PNKD: variants seen among roughly 807,000 people sequenced by gnomAD.
PNKD encodes probable thioesterase PNKD.
A neutral mutation model predicts 45.3 loss-of-function variants in PNKD; 36 were observed. The ratio of observed to expected loss-of-function variants is 0.80; its 90% CI spans 0.61 to 1.05. The LOEUF (loss-of-function observed/expected upper bound fraction) is 1.05, where lower values mean the gene tolerates loss of function less well. PNKD is among the 50% of genes least tolerant of loss of function. PNKD has a pLI of 0.00. For synonymous variants in PNKD, 197 were observed against 210.1 expected, an observed-to-expected ratio of 0.94 and a Z score of 0.54; for missense variants, 511 against 506.6, an observed-to-expected ratio of 1.01 and a Z score of -0.08.
intron 2 of PNKD, chr2:218,276,927 G>T: frequency 1.6e-6 from 2 of 1,254,950 alleles, no homozygotes; most frequent in Non-Finnish European, 2.3e-6. Context: ...GACCTTTGGG[G>T]CCTGCGAGAC....
In PNKD at chr2:218,326,302, C is replaced by T. The variant is rs562258822; in HGVS notation, c.237-13481C>T. Among the ~76,000 whole-genome samples, 1 of 152,276 alleles carries T rather than the reference C, an allele frequency of 6.6e-6. No individual in the cohort carries two copies. Among genetic ancestry groups the T allele is most frequent in the South Asian group, 2.1e-4 (1 of 4,826 alleles). On this transcript the variant is annotated intron_variant, in intron 2 of 9. Transcript: ENST00000273077. This position sits in a 1 kb window ranked among gnomAD's most constrained non-coding sequence, Gnocchi z 4.1. ...TTTCCTTAACCATAACTACAATTGT[C>T]TTAGGATGAGGATAGCTGAGCACAG...
intron 2 of PNKD, among the ~76,000 whole-genome samples, chr2:218,299,514 G>C (rs1236319723): frequency 6.6e-6 from 1 of 152,148 alleles, no homozygotes; most frequent in African/African-American, 2.4e-5. Flanking sequence ...AAGCAGTCAT[G>C]GCTCTCTGCA....
At chr2:218,323,276 G>T in intron 2 of PNKD, 1 of 1,538,092 alleles carries the variant, frequency 6.5e-7, no homozygotes, top group Middle Eastern at 1.7e-4. Flanking sequence ...GCATGGCTTG[G>T]CAGGGCTGGC....
At chr2:218,278,345 C>G in intron 2 of PNKD, 1 of 691,068 alleles carries the variant, frequency 1.4e-6, no homozygotes, top group Non-Finnish European at 2.5e-6. Context: ...AGCTCCTAAA[C>G]ACACATGGTC....
chr2:218,326,207 G>A lies in PNKD; in HGVS notation c.237-13576G>A, dbSNP rs184530616. Among the ~76,000 whole-genome samples, 137 of 152,274 alleles carry A rather than the reference G, an allele frequency of 9.0e-4. No individual in the cohort carries two copies. The highest frequency in any genetic ancestry group is 3.2e-3 in the African/African-American group (134 of 41,552). On this transcript the variant is annotated intron_variant, in intron 2 of 9. Transcript: ENST00000273077. The surrounding 1 kb of genome is among the most constrained non-coding windows in gnomAD (Gnocchi z 4.1). ...AATGATGGAAACACCAGGCTCACCG[G>A]GAGGAGAGCTGTTGACCATGTTATC...
chr2:218,330,378 C>T (rs1694284687), intron 2 of PNKD, among the ~76,000 whole-genome samples: 1 of 152,208 alleles, frequency 6.6e-6, no homozygotes, highest in African/African-American at 2.4e-5. Context: ...GGAGGGGCGT[C>T]TGGGGGGGCA....
At chr2:218,272,217 G>C (rs146737069) in intron 2 of PNKD, among the ~76,000 whole-genome samples, 8 of 152,256 alleles carry the variant, frequency 5.3e-5, no homozygotes, top group African/African-American at 1.9e-4. Context: ...GAGGGAAAGC[G>C]TCAGGGCTGC....
At chr2:218,295,430 C>T (rs778586115) in intron 2 of PNKD, among the ~76,000 whole-genome samples, 4 of 152,162 alleles carry the variant, frequency 2.6e-5, no homozygotes, top group Non-Finnish European at 5.9e-5. Context: ...TCCTCCAGAT[C>T]CCAGAGAAAG....
At chr2:218,344,341 C>T (rs1261130160) in intron 8 of PNKD, 114 bp from the exon 9 acceptor site, 1 of 769,528 alleles carries the variant, frequency 1.3e-6, no homozygotes, top group Non-Finnish European at 2.3e-6. Flanking sequence ...GAAGTGCTGA[C>T]CTCATCCCTA....
chr2:218,315,084 C>T (rs56316944), intron 2 of PNKD, among the ~76,000 whole-genome samples: 878 of 31,280 alleles, frequency 0.028, 7 homozygotes, highest in East Asian at 0.11. Context: ...CTTTCTTTCT[C>T]TCTCTCTCTC....
At chr2:218,323,105 G>A in intron 2 of PNKD, 4 of 1,180,768 alleles carry the variant, frequency 3.4e-6, no homozygotes, top group Non-Finnish European at 4.3e-6. Context: ...TGCCCGGCTG[G>A]AGGTGGTGAG....
At chr2:218,342,716 T>A (rs1032864937) in intron 7 of PNKD, among the ~76,000 whole-genome samples, 4 of 151,408 alleles carry the variant, frequency 2.6e-5, no homozygotes, top group African/African-American at 2.4e-5. Context: ...GAAAAAAAAA[T>A]TTAAATAATA....
chr2:218,323,205 C>CG (rs1694042214), intron 2 of PNKD: 4 of 1,393,142 alleles, frequency 2.9e-6, no homozygotes, highest in Non-Finnish European at 3.7e-6. Flanking sequence ...CGCGGGGGGC[C>CG]GGGGCCGGGC....
At chr2:218,275,396 C>A in intron 2 of PNKD, 3 of 1,523,560 alleles carry the variant, frequency 2.0e-6, no homozygotes, top group Non-Finnish European at 2.6e-6. Flanking sequence ...GGGCCTAAAG[C>A]CCAGACCACA....
intron 2 of PNKD, chr2:218,272,481 C>A: frequency 8.2e-7 from 1 of 1,214,862 alleles, no homozygotes; most frequent in Non-Finnish European, 1.2e-6. Context: ...AGCATTCATG[C>A]AACTGATGAA....
chr2:218,306,609 G>T (rs971063217), intron 2 of PNKD, among the ~76,000 whole-genome samples: 25 of 152,252 alleles, frequency 1.6e-4, no homozygotes, highest in African/African-American at 5.8e-4. Flanking sequence ...AAGGTGCAGA[G>T]TTCCTAGTGG....
At chr2:218,329,441 A>T (rs1183749228) in intron 2 of PNKD, among the ~76,000 whole-genome samples, 6 of 152,214 alleles carry the variant, frequency 3.9e-5, no homozygotes, top group Admixed American at 2.6e-4. Context: ...GATTACACAC[A>T]TGGAGACAGA....
At chr2:218,313,627 G>C (rs1011405483) in intron 2 of PNKD, among the ~76,000 whole-genome samples, 2 of 152,054 alleles carry the variant, frequency 1.3e-5, no homozygotes, top group Non-Finnish European at 2.9e-5. Context: ...CAGTAACCCT[G>C]GGCCTTCAAA....
intron 8 of PNKD, 21 bp downstream of exon 8, chr2:218,343,607 TCCCCATCCTCCAGC>T (rs752807526): frequency 1.3e-6 from 2 of 1,566,604 alleles, no homozygotes; most frequent in East Asian, 4.6e-5. Flanking sequence ...CCCTTACTAC[TCCCCATCCTCCAGC>T]CCCACGCTCA....
Sources: allele counts gnomAD v4.1 joint callset (sites outside exome capture counted in the v4.1 genomes callset), GRCh38; gene constraint gnomAD v4.1.1; non-coding constraint Gnocchi (gnomAD v3.1); transcripts MANE v1.5; gene names NCBI Gene and HGNC (gene_info 2026-07-23, HGNC 2026-07-21).